The following PDLIM5 variants were observed in gnomAD, a reference collection of about 807,000 sequenced individuals.
PDLIM5 encodes PDZ and LIM domain protein 5.
Under a neutral mutation model 64.2 loss-of-function variants are expected in PDLIM5, and 34 were observed. That is an observed-to-expected ratio of 0.53 (90% CI 0.40 to 0.71). PDLIM5 has a LOEUF of 0.71. PDLIM5 is among the 30% of genes least tolerant of loss of function. The probability of loss-of-function intolerance (pLI) is 0.00; values close to 1 mark genes in which losing one functional copy is unlikely to be tolerated. For missense variants in PDLIM5, 683 were observed against 733.6 expected (o/e 0.93, Z 0.80); for synonymous variants, 253 against 269.1 (o/e 0.94, Z 0.59).
intron 3 of PDLIM5, among the ~76,000 whole-genome samples, chr4:94,557,392 G>GT (rs1357281080): frequency 1.3e-5 from 2 of 152,038 alleles, no homozygotes; most frequent in Non-Finnish European, 2.9e-5. Flanking sequence ...AATGTGGGCT[G>GT]TTTTTTGGCT....
At chr4:94,541,535 CA>C (rs1269520322) in intron 3 of PDLIM5, among the ~76,000 whole-genome samples, 6 of 152,214 alleles carry the variant, frequency 3.9e-5, no homozygotes, top group Non-Finnish European at 7.3e-5. Flanking sequence ...TTGGCAAGGA[CA>C]GTTTTGTGGG....
intron 3 of PDLIM5, among the ~76,000 whole-genome samples, chr4:94,566,563 G>A (rs2452593): frequency 0.69 from 104,922 of 152,074 alleles, 38,592 homozygotes; most frequent in East Asian, 0.92. Context: ...ACCTCATTGC[G>A]TCCTCAAAAC....
intron 2 of PDLIM5, among the ~76,000 whole-genome samples, chr4:94,478,696 T>G (rs1237221909): frequency 6.6e-6 from 1 of 152,112 alleles, no homozygotes; most frequent in Non-Finnish European, 1.5e-5. Flanking sequence ...TAGAAAATGG[T>G]TTAAACTACT....
intron 6 of PDLIM5, among the ~76,000 whole-genome samples, chr4:94,586,155 G>A (rs1038239156): frequency 4.6e-5 from 7 of 151,954 alleles, no homozygotes; most frequent in African/African-American, 1.7e-4. Flanking sequence ...GGGTGATGGA[G>A]GGGCTCTGTC....
At chr4:94,483,990 A>G (rs1218796652) in intron 2 of PDLIM5, among the ~76,000 whole-genome samples, 1 of 150,580 alleles carries the variant, frequency 6.6e-6, no homozygotes, top group Non-Finnish European at 1.5e-5. Flanking sequence ...TTGAAATTCA[A>G]TCAGTTACTC....
chr4:94,654,479 C>G lies in PDLIM5; in HGVS notation c.1303C>G (p.Leu435Val). The change falls in exon 10 of 13, where the codon CTG becomes GTG. Residue 435 changes from leucine (L) to valine (V), a missense_variant. Physicochemically the swap from Leu to Val is conservative, Grantham distance 32. Transcript: ENST00000317968. Reference sequence around the variant, plus strand: ...TGTCAGAGGACCATTCTTAGTGGCACTGGGGAAATCTTGGCACCCAGAAGA... The same window carrying G: ...TGTCAGAGGACCATTCTTAGTGGCAGTGGGGAAATCTTGGCACCCAGAAGA... Reference protein sequence around the residue: ...QVIRGPFLVALGKSWHPEEFN... With the variant: ...QVIRGPFLVAVGKSWHPEEFN... The G allele has an allele frequency of 6.2e-7, 1 of 1,610,722 alleles. No individual in the cohort carries two copies. The highest frequency in any genetic ancestry group is 1.1e-5 in the South Asian group (1 of 90,976).
chr4:94,521,344 A>G (rs1729809749), intron 2 of PDLIM5, among the ~76,000 whole-genome samples: 1 of 152,158 alleles, frequency 6.6e-6, no homozygotes. Flanking sequence ...GAAGGCAAGT[A>G]GGCTATAGGC....
At chr4:94,515,549 A>G (rs1160312721) in intron 2 of PDLIM5, among the ~76,000 whole-genome samples, 1 of 152,212 alleles carries the variant, frequency 6.6e-6, no homozygotes, top group Non-Finnish European at 1.5e-5. Context: ...GGTGTTTACC[A>G]ACCACACTTA....
chr4:94,571,710 G>C (rs1415405051), intron 3 of PDLIM5, among the ~76,000 whole-genome samples: 1 of 152,104 alleles, frequency 6.6e-6, no homozygotes, highest in African/African-American at 2.4e-5. Flanking sequence ...TGTAATCTAT[G>C]ACATTGTTAA....
rs1246078702 is a variant in PDLIM5 at position 94,664,426 on chromosome 4, A to G, written c.*359A>G. 3.8e-6 allele frequency: 3 copies of G among 797,562 alleles called. No individual in the cohort carries two copies. In the African/African-American group the frequency reaches 5.6e-5, roughly 15 times the overall value. 49.4% of individuals were successfully genotyped at this position (797,562 alleles called of 1,614,324 possible). The stretch of plus-strand genomic sequence containing the variant: ...TACCTTCTTTCCTTGTTAGGTAGTT[A>G]TGAGTAAATCTGCAAAAGGCAATGA... On this transcript the variant is annotated 3_prime_UTR_variant, in exon 13 of 13. Coordinates refer to ENST00000317968, the MANE Select transcript of PDLIM5 (RefSeq NM_006457.5).
chr4:94,574,434 G>A (rs1735073532), intron 4 of PDLIM5, among the ~76,000 whole-genome samples: 1 of 147,634 alleles, frequency 6.8e-6, no homozygotes, highest in Admixed American at 6.9e-5. Context: ...GGAAGTGGAG[G>A]TTACAGTGAG....
intron 2 of PDLIM5, among the ~76,000 whole-genome samples, chr4:94,512,580 C>CT (rs1728984928): frequency 6.6e-6 from 1 of 151,510 alleles, no homozygotes; most frequent in Admixed American, 6.6e-5. Context: ...TGAGAAATGT[C>CT]TATTCAAATC....
intron 2 of PDLIM5, among the ~76,000 whole-genome samples, chr4:94,472,783 C>G (rs1213659962): frequency 6.6e-6 from 1 of 152,128 alleles, no homozygotes; most frequent in Non-Finnish European, 1.5e-5. Context: ...TAAAATTTAG[C>G]AAATCTGAAC....
chr4:94,485,832 AGAGT>A lies in PDLIM5; in HGVS notation c.96+30452_96+30455del, dbSNP rs1266630364. Among the ~76,000 whole-genome samples, 5 of 145,610 alleles carry A rather than the reference AGAGT, an allele frequency of 3.4e-5. No homozygotes were observed. In the East Asian group the frequency reaches 9.9e-4, roughly 29 times the overall value. On this transcript the variant is annotated intron_variant, in intron 2 of 12. Coordinates refer to ENST00000317968, the MANE Select transcript of PDLIM5 (RefSeq NM_006457.5). ...GCCACTGCACTCCAGCCTAGGTGAC[AGAGT>A]GAGACTCCGTCTCAAAAAAAAAAAA...
intron 8 of PDLIM5, among the ~76,000 whole-genome samples, chr4:94,630,381 A>T (rs1740044713): frequency 6.6e-6 from 1 of 151,754 alleles, no homozygotes; most frequent in African/African-American, 2.4e-5. Flanking sequence ...ATATATATGT[A>T]TATATTTTTT....
At chr4:94,577,708 A>G (rs1204485118) in intron 5 of PDLIM5, among the ~76,000 whole-genome samples, 1 of 151,878 alleles carries the variant, frequency 6.6e-6, no homozygotes, top group African/African-American at 2.4e-5. Context: ...ACTAAAACAG[A>G]AGTTTACCAT....
At chr4:94,594,234 A>G (rs1205114124) in intron 7 of PDLIM5, among the ~76,000 whole-genome samples, 1 of 152,126 alleles carries the variant, frequency 6.6e-6, no homozygotes, top group African/African-American at 2.4e-5. Flanking sequence ...CTGTTTGTTA[A>G]TTAGTGAAAG....
intron 3 of PDLIM5, among the ~76,000 whole-genome samples, chr4:94,529,645 T>C (rs1730681129): frequency 6.6e-6 from 1 of 152,186 alleles, no homozygotes; most frequent in Non-Finnish European, 1.5e-5. Flanking sequence ...CACATTTTCT[T>C]TCTATGACAT....
chr4:94,636,005 C>T (rs1343405800), intron 8 of PDLIM5, among the ~76,000 whole-genome samples: 2 of 152,168 alleles, frequency 1.3e-5, no homozygotes, highest in African/African-American at 2.4e-5. Flanking sequence ...TAACGGAAAG[C>T]AAGGCTTTTC....
Sources: allele counts gnomAD v4.1 joint callset (sites outside exome capture counted in the v4.1 genomes callset), GRCh38; gene constraint gnomAD v4.1.1; transcripts MANE v1.5; gene names NCBI Gene and HGNC (gene_info 2026-07-23, HGNC 2026-07-21).